The following VPS53 variants were observed in gnomAD, a reference collection of about 807,000 sequenced individuals.
VPS53 encodes vacuolar protein sorting-associated protein 53 homolog.
VPS53 carries 70 observed loss-of-function variants against 107.0 expected under a neutral mutation model. The observed-to-expected ratio is 0.65, with a 90% CI of 0.54 to 0.80. The LOEUF (loss-of-function observed/expected upper bound fraction) is 0.80, where lower values mean the gene tolerates loss of function less well. Ranked by LOEUF, VPS53 falls within the 30% of genes least tolerant of loss-of-function variation. The pLI is 0.00. For synonymous variants in VPS53, 409 were observed against 393.3 expected, an observed-to-expected ratio of 1.04 and a Z score of -0.47; for missense variants, 917 against 1,049.4, an observed-to-expected ratio of 0.87 and a Z score of 1.74.
intron 8 of VPS53, 57 bp from the exon 9 acceptor site, chr17:628,288 G>T: frequency 6.3e-7 from 1 of 1,588,276 alleles, no homozygotes. Context: ...AAACCTCATG[G>T]CTTCTCACAG....
At position 532,883 on chromosome 17, in the gene VPS53, G is replaced by T; in HGVS notation, c.2044C>A (p.Leu682Ile). 1 of 1,614,024 alleles carries T rather than the reference G, an allele frequency of 6.2e-7. No individual in the cohort carries two copies. Among genetic ancestry groups the T allele is most frequent in the Non-Finnish European group, 8.5e-7 (1 of 1,179,944 alleles). ...NSFIPKFITH[L>I]FKCKPISMVG... The stretch of plus-strand genomic sequence containing the variant: ...ATGCTAATTGGCTTGCACTTGAAGA[G>T]GTGGGTGATGAATTTGGGAATGAAG... The change falls in exon 19 of 22, where the codon CTC (leucine) becomes ATC (isoleucine). Residue 682 changes from leucine (L) to isoleucine (I), a missense_variant. By Grantham distance (5) the Leu-to-Ile change is conservative. Coordinates refer to ENST00000437048, the MANE Select transcript of VPS53 (RefSeq NM_001128159.3).
chr17:690,100 G>A (rs982322299), intron 4 of VPS53, among the ~76,000 whole-genome samples: 1 of 152,166 alleles, frequency 6.6e-6, no homozygotes, highest in African/African-American at 2.4e-5. Context: ...ACTCCATTCT[G>A]CCTTTTCATC....
intron 4 of VPS53, chr17:673,626 T>C (rs1972050976): frequency 6.6e-6 from 1 of 152,232 alleles, no homozygotes; most frequent in Admixed American, 6.5e-5. Context: ...CCTGGTCAAA[T>C]GCCAGATGGC....
chr17:668,961 T>C (rs962866178), intron 4 of VPS53, among the ~76,000 whole-genome samples: 1 of 152,172 alleles, frequency 6.6e-6, no homozygotes, highest in African/African-American at 2.4e-5. Context: ...ATAGATAAAC[T>C]ATGTGCCAGA....
intron 12 of VPS53, chr17:601,194 C>G (rs189151851): frequency 1.3e-5 from 2 of 152,348 alleles, no homozygotes; most frequent in African/African-American, 4.8e-5. Context: ...CCTCCCTTGT[C>G]ATAACATGGC....
chr17:528,595 CTTTTTTTTTTTT>C (rs138081726), intron 19 of VPS53, among the ~76,000 whole-genome samples: 1 of 101,274 alleles, frequency 9.9e-6, no homozygotes, highest in Non-Finnish European at 1.8e-5. Flanking sequence ...TTTTTCAATT[CTTTTTTTTTTTT>C]TTTTTTTTGA....
intron 4 of VPS53, among the ~76,000 whole-genome samples, chr17:679,419 C>G (rs1033950709): frequency 6.6e-6 from 1 of 152,022 alleles, no homozygotes; most frequent in African/African-American, 2.4e-5. Flanking sequence ...GAGGCTGAGG[C>G]GGGAGAATCG....
At chr17:578,011 G>A (rs1489170839) in intron 13 of VPS53, among the ~76,000 whole-genome samples, 4 of 145,478 alleles carry the variant, frequency 2.7e-5, no homozygotes, top group African/African-American at 5.1e-5. Flanking sequence ...AACATAATGC[G>A]TTCCCAAAGA....
At chr17:661,224 G>GA (rs200423950) in intron 5 of VPS53, among the ~76,000 whole-genome samples, 12 of 148,342 alleles carry the variant, frequency 8.1e-5, no homozygotes, top group East Asian at 5.9e-4. Flanking sequence ...TCAGAAAGGA[G>GA]AAAAAAAAAA....
chr17:547,497 G>A (rs1044620334), intron 17 of VPS53, among the ~76,000 whole-genome samples: 7 of 152,170 alleles, frequency 4.6e-5, no homozygotes, highest in African/African-American at 1.4e-4. Flanking sequence ...ACAGAAAGTA[G>A]GCTAATGGTT....
chr17:644,883 C>T (rs1269761327), intron 7 of VPS53, among the ~76,000 whole-genome samples: 1 of 152,194 alleles, frequency 6.6e-6, no homozygotes. Flanking sequence ...CATGCCCAGC[C>T]TTTTTAGTGT....
chr17:682,103 C>T (rs1242631220), intron 4 of VPS53, among the ~76,000 whole-genome samples: 1 of 152,202 alleles, frequency 6.6e-6, no homozygotes, highest in East Asian at 1.9e-4. Context: ...TTAGTCTATT[C>T]AGCTGCAATT....
chr17:646,445 T>C lies in VPS53; in HGVS notation c.608+6846A>G, dbSNP rs112018899. 6.5e-3 allele frequency among the ~76,000 whole-genome samples: 835 copies of C among 129,262 alleles called. 2 individuals carry two copies. The highest frequency in any genetic ancestry group is 0.016 in the East Asian group (59 of 3,744). 84.8% of individuals were successfully genotyped at this position (129,262 alleles called of 152,430 possible). ...CTAATCCATACCACTGACTGGAGAT[T>C]GGCTCCCACACACATCTCCGTGACC... On this transcript the variant is annotated intron_variant, in intron 7 of 21. Coordinates refer to ENST00000437048, the MANE Select transcript of VPS53 (RefSeq NM_001128159.3).
intron 6 of VPS53, 61 bp from the exon 7 acceptor site, chr17:653,471 C>A: frequency 6.2e-7 from 1 of 1,609,090 alleles, no homozygotes; most frequent in Non-Finnish European, 8.5e-7. Flanking sequence ...GATACAGACA[C>A]AGAACAACCC....
Position 524,017 on chromosome 17 carries a change from T to C in VPS53, c.2086-2279A>G, listed in dbSNP as rs1191285746. On this transcript the variant is annotated intron_variant, in intron 19 of 21. Coordinates refer to ENST00000437048, the MANE Select transcript of VPS53 (RefSeq NM_001128159.3). This position sits in a 1 kb window ranked among gnomAD's most constrained non-coding sequence, Gnocchi z 4.5. ...AAAAAGAAAAACTTTAAGAAGAAAA[T>C]ACAGGGCGCAGTGGCTCATGCCTGT... Among the ~76,000 whole-genome samples, 1 of 151,992 alleles carries C rather than the reference T, an allele frequency of 6.6e-6. No homozygotes were observed. The highest frequency in any genetic ancestry group is 2.4e-5 in the African/African-American group (1 of 41,370).
chr17:660,216 C>T (rs1183382202), intron 5 of VPS53, among the ~76,000 whole-genome samples: 1 of 152,212 alleles, frequency 6.6e-6, no homozygotes, highest in Non-Finnish European at 1.5e-5. Context: ...CTCAGCCTCA[C>T]TGAGTCTCAG....
chr17:602,078 G>A (rs921987035), intron 11 of VPS53, among the ~76,000 whole-genome samples, 182 bp from the exon 12 acceptor site: 1 of 152,074 alleles, frequency 6.6e-6, no homozygotes, highest in Admixed American at 6.6e-5. Flanking sequence ...CCCTCTTCCT[G>A]CAACCTCCCC....
chr17:653,441 G>A, intron 6 of VPS53, 31 bp from the exon 7 acceptor site: 2 of 1,613,584 alleles, frequency 1.2e-6, no homozygotes, highest in Non-Finnish European at 1.7e-6. Flanking sequence ...TAAAAGTCTA[G>A]AAAAACACTA....
intron 5 of VPS53, among the ~76,000 whole-genome samples, chr17:659,886 C>A (rs894005624): frequency 1.3e-5 from 2 of 152,190 alleles, no homozygotes; most frequent in African/African-American, 4.8e-5. Flanking sequence ...CACTCCCCAT[C>A]CCACAGCCTG....
Sources: allele counts gnomAD v4.1 joint callset (sites outside exome capture counted in the v4.1 genomes callset), GRCh38; gene constraint gnomAD v4.1.1; non-coding constraint Gnocchi (gnomAD v3.1); transcripts MANE v1.5; gene names NCBI Gene and HGNC (gene_info 2026-07-23, HGNC 2026-07-21).